STXBP4: variants seen among roughly 807,000 people sequenced by gnomAD.
STXBP4 encodes the protein syntaxin binding protein 4.
A neutral mutation model predicts 76.1 loss-of-function variants in STXBP4; 55 were observed. The observed-to-expected ratio is 0.72, with a 90% CI of 0.58 to 0.91. The LOEUF (loss-of-function observed/expected upper bound fraction) is 0.91. Ranked by LOEUF, STXBP4 falls within the 40% of genes least tolerant of loss-of-function variation. The pLI is 0.00. For missense variants in STXBP4, 618 were observed against 636.9 expected, an observed-to-expected ratio of 0.97 and a Z score of 0.32; for synonymous variants, 201 against 220.2, an observed-to-expected ratio of 0.91 and a Z score of 0.77.
In STXBP4 at chr17:55,164,583, T is replaced by G. The variant is rs1198265760; in HGVS notation, c.*4672T>G. The G allele has an allele frequency of 1.3e-5, 2 of 151,254 alleles. No homozygotes were observed. The highest frequency in any genetic ancestry group is 3.0e-5 in the Non-Finnish European group (2 of 67,732). The allele number at this position is 151,254 out of a possible 1,614,324, so 9.4% of individuals were successfully genotyped here. A position where few individuals can be genotyped will look rare whatever the true frequency, so the allele number is the denominator to read the frequency against. On this transcript the variant is annotated 3_prime_UTR_variant, in exon 18 of 18. Transcript: ENST00000376352. ...CTCCTGCCTCAGCCTCCCGAGTAGC[T>G]GGGACTACAGGCGCCCGCCACCGCG...
chr17:55,016,547 C>T (rs775875690), intron 8 of STXBP4, among the ~76,000 whole-genome samples: 4 of 152,206 alleles, frequency 2.6e-5, no homozygotes, highest in Non-Finnish European at 4.4e-5. Flanking sequence ...ACAGCTCTCA[C>T]GTTTGAGGAG....
chr17:55,132,283 G>A (rs901143268), intron 16 of STXBP4, among the ~76,000 whole-genome samples: 5 of 152,040 alleles, frequency 3.3e-5, no homozygotes, highest in East Asian at 1.9e-4. Context: ...CCTCTGCCTC[G>A]GGGTTCAAGC....
At chr17:55,078,266 T>A in intron 14 of STXBP4, 72 bp downstream of exon 14, 1 of 991,394 alleles carries the variant, frequency 1.0e-6, no homozygotes, top group Non-Finnish European at 1.5e-6. Context: ...TAAATGTTAC[T>A]GTATTTGGTA....
In STXBP4 at chr17:55,085,168, T is replaced by C. The variant is rs1177987800; in HGVS notation, c.1489+3985T>C. ...GTGGGAATTGAACAATGAGAACACA[T>C]GGACACAGGAAGGGGAACATCACAC... is the stretch of plus-strand genomic sequence containing the variant. On this transcript the variant is annotated intron_variant, in intron 16 of 17. Coordinates refer to ENST00000376352, the MANE Select transcript of STXBP4 (RefSeq NM_178509.6). Among the ~76,000 whole-genome samples, 4 of 127,326 alleles carry C rather than the reference T, an allele frequency of 3.1e-5. 1 individual carries two copies. The East Asian group carries it at 9.3e-4, about 29-fold the overall frequency. 83.5% of individuals were successfully genotyped at this position (127,326 alleles called of 152,430 possible). A position where few individuals can be genotyped will look rare whatever the true frequency, so the allele number is the denominator to read the frequency against.
the STXBP4 span, among the ~76,000 whole-genome samples, chr17:55,212,337 T>C: frequency 1.6e-4 from 25 of 152,286 alleles, no homozygotes; most frequent in Non-Finnish European, 3.1e-4. Flanking sequence ...ACTTATCTGT[T>C]AAGAATGAAT....
intron 8 of STXBP4, among the ~76,000 whole-genome samples, chr17:55,009,595 C>T (rs1049397229): frequency 6.6e-6 from 1 of 151,982 alleles, no homozygotes; most frequent in African/African-American, 2.4e-5. Context: ...GTTTTGGTTC[C>T]CCTTTAAGCC....
chr17:54,969,350 C>A (rs1169211532), intron 1 of STXBP4, among the ~76,000 whole-genome samples: 3 of 152,152 alleles, frequency 2.0e-5, no homozygotes, highest in Non-Finnish European at 4.4e-5. Flanking sequence ...TCCCACAGGA[C>A]GAACTCGAGG....
chr17:55,155,167 C>A (rs898253165), intron 17 of STXBP4, among the ~76,000 whole-genome samples: 2 of 152,074 alleles, frequency 1.3e-5, no homozygotes, highest in Admixed American at 6.6e-5. Context: ...GCAATTTTCT[C>A]TTAAACATAT....
At chr17:55,183,717 T>G in the STXBP4 span, among the ~76,000 whole-genome samples, 1 of 152,138 alleles carries the variant, frequency 6.6e-6, no homozygotes, top group Non-Finnish European at 1.5e-5. Flanking sequence ...AAAGAAAAAC[T>G]GAAAGAAAGG....
At chr17:55,213,028 C>T in the STXBP4 span, among the ~76,000 whole-genome samples, 1 of 152,162 alleles carries the variant, frequency 6.6e-6, no homozygotes, top group East Asian at 1.9e-4. Flanking sequence ...TTGTGTGTGT[C>T]CTGAGCTGGG....
chr17:55,066,518 C>G (rs2079053410), intron 12 of STXBP4, among the ~76,000 whole-genome samples: 1 of 151,976 alleles, frequency 6.6e-6, no homozygotes, highest in South Asian at 2.1e-4. Context: ...GCCACTGTGC[C>G]TGGCCAAAAA....
At chr17:55,065,073 A>G (rs2079034681) in intron 12 of STXBP4, among the ~76,000 whole-genome samples, 1 of 152,288 alleles carries the variant, frequency 6.6e-6, no homozygotes, top group South Asian at 2.1e-4. Flanking sequence ...TACATAATAT[A>G]GGGTCTGTAT....
At chr17:55,205,536 G>C in the STXBP4 span, among the ~76,000 whole-genome samples, 3 of 149,928 alleles carry the variant, frequency 2.0e-5, no homozygotes, top group Non-Finnish European at 4.5e-5. Context: ...ATAAACAGCA[G>C]ACAAATGCAC....
intron 7 of STXBP4, among the ~76,000 whole-genome samples, chr17:55,005,685 C>G (rs1222995932): frequency 6.6e-6 from 1 of 152,172 alleles, no homozygotes; most frequent in Non-Finnish European, 1.5e-5. Flanking sequence ...ATGAATAATT[C>G]AAGCCCAGGT....
At position 55,170,052 on chromosome 17, in the gene STXBP4, A is replaced by C. The variant is rs1327278005; in HGVS notation, c.*10141A>C. The stretch of plus-strand genomic sequence containing the variant: ...AATTATGTTAGTGCAGGTACATGAC[A>C]TAGATATCCTCAAATATTCTTAGGA... On this transcript the variant is annotated 3_prime_UTR_variant, in exon 18 of 18. Coordinates refer to ENST00000376352, the MANE Select transcript of STXBP4 (RefSeq NM_178509.6). 1 of 152,244 alleles carries C rather than the reference A, an allele frequency of 6.6e-6. No homozygotes were observed. Among genetic ancestry groups the C allele is most frequent in the Non-Finnish European group, 1.5e-5 (1 of 68,046 alleles). The allele number at this position is 152,244 out of a possible 1,614,324, so 9.4% of individuals were successfully genotyped here.
At chr17:55,043,730 T>C in intron 11 of STXBP4, 2 of 1,270,542 alleles carry the variant, frequency 1.6e-6, no homozygotes, top group East Asian at 2.6e-5. Context: ...AGGGACATCA[T>C]GTTTTGCTAA....
rs965257138 is a variant in STXBP4 at position 55,169,146 on chromosome 17, G to C, written c.*9235G>C. On this transcript the variant is annotated 3_prime_UTR_variant, in exon 18 of 18. Transcript: ENST00000376352. ...TATGTGAATTAGGAAGTGGCCCAAG[G>C]GTGAAAAGTAATAGGGAAATAGAGA... The C allele has an allele frequency of 5.3e-5, 8 of 152,060 alleles. No homozygotes were observed. The highest frequency in any genetic ancestry group is 1.9e-4 in the African/African-American group (8 of 41,392). 9.4% of individuals were successfully genotyped at this position (152,060 alleles called of 1,614,324 possible).
At chr17:55,127,587 CTT>C (rs745829678) in intron 16 of STXBP4, among the ~76,000 whole-genome samples, 2 of 152,066 alleles carry the variant, frequency 1.3e-5, no homozygotes, top group Non-Finnish European at 2.9e-5. Flanking sequence ...ATTGGGGTCA[CTT>C]TTATTTAAGT....
At chr17:55,045,210 T>C (rs1044964862) in intron 11 of STXBP4, among the ~76,000 whole-genome samples, 18 of 152,142 alleles carry the variant, frequency 1.2e-4, no homozygotes, top group African/African-American at 4.1e-4. Flanking sequence ...ATTTCACTAC[T>C]ATAAGAGTAT....
Sources: allele counts gnomAD v4.1 joint callset (sites outside exome capture counted in the v4.1 genomes callset), GRCh38; gene constraint gnomAD v4.1.1; transcripts MANE v1.5; gene names NCBI Gene and HGNC (gene_info 2026-07-23, HGNC 2026-07-21).